The following AXIN1 variants were observed in gnomAD, a reference collection of about 807,000 sequenced individuals.
The protein encoded by AXIN1 is axin-1.
In AXIN1, 30 loss-of-function variants were observed where a neutral mutation model predicts 76.4. The observed-to-expected ratio is 0.39, with a 90% confidence interval of 0.29 to 0.53. AXIN1 has a LOEUF of 0.53. Among genes scored for constraint, AXIN1 ranks in the 20% least tolerant of loss-of-function variants. The pLI is 0.66. For synonymous variants in AXIN1, 545 were observed against 501.4 expected (o/e 1.09, Z -1.16); for missense variants, 1,140 against 1,198.8 (o/e 0.95, Z 0.72).
chr16:336,582 G>C (rs539347593), intron 2 of AXIN1, among the ~76,000 whole-genome samples: 1 of 151,788 alleles, frequency 6.6e-6, no homozygotes, highest in East Asian at 1.9e-4. Context: ...AGCACTTTGG[G>C]AGGCCAATGC....
intron 3 of AXIN1, 78 bp from the exon 4 acceptor site, chr16:310,147 C>G: frequency 7.3e-7 from 1 of 1,370,008 alleles, no homozygotes. Context: ...GCTCCTGGCC[C>G]CGACCGCCGG....
At chr16:318,301 C>A (rs374910294) in intron 2 of AXIN1, among the ~76,000 whole-genome samples, 1 of 152,198 alleles carries the variant, frequency 6.6e-6, no homozygotes, top group African/African-American at 2.4e-5. Context: ...CGCAGGTTTC[C>A]CATTTTCCAC....
At chr16:301,272 A>AAAAAC (rs1231209351) in intron 5 of AXIN1, among the ~76,000 whole-genome samples, 2 of 150,906 alleles carry the variant, frequency 1.3e-5, no homozygotes, top group African/African-American at 2.5e-5. Flanking sequence ...CTCTGCCTCA[A>AAAAAC]AAAACAAAAC....
intron 3 of AXIN1, among the ~76,000 whole-genome samples, chr16:313,545 G>C (rs1186450279): frequency 6.6e-6 from 1 of 152,226 alleles, no homozygotes; most frequent in Non-Finnish European, 1.5e-5. Flanking sequence ...GTTCATAGCC[G>C]CTGGCTTCCT....
chr16:320,263 C>G (rs1254392674), intron 2 of AXIN1, among the ~76,000 whole-genome samples: 1 of 152,146 alleles, frequency 6.6e-6, no homozygotes, highest in African/African-American at 2.4e-5. Flanking sequence ...CCAGGCTGGT[C>G]TTGAACTCTT....
Position 287,955 on chromosome 16 carries a change from CT to C in AXIN1, c.*166del. The C allele has an allele frequency of 8.6e-7, 1 of 1,163,794 alleles. No homozygotes were observed. Among genetic ancestry groups the C allele is most frequent in the Admixed American group, 1.7e-5 (1 of 57,674 alleles). The allele number at this position is 1,163,794 out of a possible 1,614,324, so 72.1% of individuals were successfully genotyped here. A position where few individuals can be genotyped will look rare whatever the true frequency, so the allele number is the denominator to read the frequency against. ...GGGCAGGACAGAAGCTTGTGGACCA[CT>C]TGGAGGGACCCCCTACCTGCCTCTA... On this transcript the variant is annotated 3_prime_UTR_variant, in exon 11 of 11. Transcript: ENST00000262320.
At chr16:301,308 A>AG (rs1555476210) in intron 5 of AXIN1, among the ~76,000 whole-genome samples, 1 of 151,170 alleles carries the variant, frequency 6.6e-6, no homozygotes, top group Non-Finnish European at 1.5e-5. Context: ...AAAAAAAAAA[A>AG]CTGGAGTTAT....
At chr16:313,750 T>A (rs1286197808) in intron 3 of AXIN1, among the ~76,000 whole-genome samples, 2 of 152,218 alleles carry the variant, frequency 1.3e-5, no homozygotes, top group African/African-American at 2.4e-5. Flanking sequence ...ACTGTTGGCA[T>A]CATCTAATGG....
chr16:327,372 G>A (rs540510340), intron 2 of AXIN1, among the ~76,000 whole-genome samples: 9 of 152,286 alleles, frequency 5.9e-5, no homozygotes, highest in African/African-American at 2.2e-4. Context: ...GACACAAAAG[G>A]GCAAGAGAAT....
chr16:319,544 C>T (rs537793629), intron 2 of AXIN1, among the ~76,000 whole-genome samples: 17 of 152,182 alleles, frequency 1.1e-4, no homozygotes, highest in Non-Finnish European at 1.9e-4. Flanking sequence ...CATGAGGCGG[C>T]CAGTGCACTC....
At chr16:349,964 T>C (rs542428733) in intron 1 of AXIN1, among the ~76,000 whole-genome samples, 1 of 152,274 alleles carries the variant, frequency 6.6e-6, no homozygotes, top group East Asian at 1.9e-4. Context: ...AACGCCCGGC[T>C]AATTACTGTA....
chr16:310,985 T>C (rs1013159537), intron 3 of AXIN1, among the ~76,000 whole-genome samples: 16 of 152,368 alleles, frequency 1.1e-4, no homozygotes, highest in African/African-American at 3.6e-4. Context: ...GGCAGGGCAG[T>C]GTGGTCTCTG....
At chr16:340,350 G>A (rs768510533) in intron 2 of AXIN1, among the ~76,000 whole-genome samples, 20 of 152,356 alleles carry the variant, frequency 1.3e-4, no homozygotes, top group Admixed American at 7.8e-4. Context: ...GAAGACACAC[G>A]AAAATATCCA....
chr16:291,670 G>T, intron 8 of AXIN1: 1 of 362,038 alleles, frequency 2.8e-6, no homozygotes, highest in Non-Finnish European at 5.4e-6. Flanking sequence ...CACCGATAGC[G>T]TGGACACTGG....
At chr16:343,994 C>T (rs900548140) in intron 2 of AXIN1, among the ~76,000 whole-genome samples, 6 of 144,370 alleles carry the variant, frequency 4.2e-5, no homozygotes, top group African/African-American at 1.3e-4. Context: ...TGTGACAGAG[C>T]GAGACTCCAT....
At chr16:303,153 G>A (rs950910128) in intron 5 of AXIN1, among the ~76,000 whole-genome samples, 3 of 152,078 alleles carry the variant, frequency 2.0e-5, no homozygotes, top group Non-Finnish European at 2.9e-5. Context: ...TGCACTGCCC[G>A]CCCGGCCAGC....
At chr16:309,293 C>CAA (rs56239336) in intron 4 of AXIN1, among the ~76,000 whole-genome samples, 2 of 146,206 alleles carry the variant, frequency 1.4e-5, no homozygotes, top group African/African-American at 2.5e-5. Context: ...ACTCCTATCT[C>CAA]AAAAAAAAAA....
chr16:297,028 C>CTG (rs761627318), intron 7 of AXIN1, 28 bp downstream of exon 7: 3 of 1,606,556 alleles, frequency 1.9e-6, no homozygotes, highest in African/African-American at 1.3e-5. Context: ...GCAGGCCCCA[C>CTG]GAGGCTGGCT....
Position 297,047 on chromosome 16 carries a change from G to C in AXIN1, c.1955+9C>G. ...GCCCCACGAGGCTGGCTGCGTGCGG[G>C]GTGCTCACCCGTGGCCGGTCCTGCG... On this transcript the variant is annotated intron_variant, in intron 7 of 10. Transcript: ENST00000262320. 6.2e-7 allele frequency: 1 copy of C among 1,609,782 alleles called. No homozygotes were observed. Among genetic ancestry groups the C allele is most frequent in the Non-Finnish European group, 8.5e-7 (1 of 1,179,866 alleles).
Sources: gnomAD v4.1 joint callset for allele counts (sites outside exome capture counted in the v4.1 genomes callset) on GRCh38, gnomAD v4.1.1 for gene constraint, MANE v1.5 for transcripts, NCBI Gene and HGNC (gene_info 2026-07-23, HGNC 2026-07-21) for gene names.